The following VPS25 variants were observed in gnomAD, a reference collection of about 807,000 sequenced individuals.
VPS25 encodes vacuolar protein-sorting-associated protein 25.
In VPS25, 21 loss-of-function variants were observed where a neutral mutation model predicts 30.3. The ratio of observed to expected loss-of-function variants is 0.69; its 90% CI spans 0.49 to 1.00. VPS25 has a LOEUF of 1.00. Ranked by LOEUF, VPS25 falls within the 50% of genes least tolerant of loss-of-function variation. The pLI is 0.00. For synonymous variants in VPS25, 101 were observed against 88.1 expected (o/e 1.15, Z -0.82); for missense variants, 156 against 217.2 (o/e 0.72, Z 1.77).
chr17:42,779,205 C>T lies in VPS25; in HGVS notation c.*136C>T, dbSNP rs1434728748. The T allele has an allele frequency of 1.4e-5, 11 of 767,428 alleles. No individual in the cohort carries two copies. Among genetic ancestry groups the T allele is most frequent in the Non-Finnish European group, 1.3e-5 (6 of 469,428 alleles). 47.5% of individuals were successfully genotyped at this position (767,428 alleles called of 1,614,324 possible). A position where few individuals can be genotyped will look rare whatever the true frequency, so the allele number is the denominator to read the frequency against. ...GGACTCCAGTCCTGAAGGCTGGGAC[C>T]TGGGGATGGGTTTCTCACACCCCAT... On this transcript the variant is annotated 3_prime_UTR_variant, in exon 6 of 6. Coordinates refer to ENST00000253794, the MANE Select transcript of VPS25 (RefSeq NM_032353.4).
chr17:42,778,839 G>C, intron 5 of VPS25, 118 bp from the exon 6 acceptor site: 3 of 782,856 alleles, frequency 3.8e-6, no homozygotes, highest in Non-Finnish European at 6.3e-6. Context: ...AGCTGTAGCA[G>C]TATAGATGGC....
chr17:42,776,044 T>A lies in VPS25; in HGVS notation c.343-201T>A, dbSNP rs552910594. 3.3e-5 allele frequency among the ~76,000 whole-genome samples: 5 copies of A among 152,328 alleles called. No homozygotes were observed. In the South Asian group the frequency reaches 1.0e-3, roughly 32 times the overall value. On this transcript the variant is annotated intron_variant, in intron 4 of 5. Transcript: ENST00000253794. Reference sequence around the variant, plus strand: ...CCTCAGACACGTGAAGACCTGTGGTTTAGTGGTTCCAAATGAGTGTGTACA... The same window carrying A: ...CCTCAGACACGTGAAGACCTGTGGTATAGTGGTTCCAAATGAGTGTGTACA...
rs989048296 is a variant in VPS25, at chr17:42,774,842, A to G, written c.253+143A>G. On this transcript the variant is annotated intron_variant, in intron 3 of 5. Coordinates refer to ENST00000253794, the MANE Select transcript of VPS25 (RefSeq NM_032353.4). Reference sequence around the variant, plus strand: ...AGTCTTCTGTAAAGTAGGCAGCCCAATTCCCAAGTCCTTTCTTCTTTGTAC... The same window carrying G: ...AGTCTTCTGTAAAGTAGGCAGCCCAGTTCCCAAGTCCTTTCTTCTTTGTAC... 6 of 612,812 alleles carry G rather than the reference A, an allele frequency of 9.8e-6. No individual in the cohort carries two copies. The Admixed American group carries it at 1.5e-4, about 15-fold the overall frequency. 38.0% of individuals were successfully genotyped at this position (612,812 alleles called of 1,614,324 possible). A position where few individuals can be genotyped will look rare whatever the true frequency, so the allele number is the denominator to read the frequency against.
intron 4 of VPS25, 87 bp downstream of exon 4, chr17:42,775,556 A>C: frequency 8.9e-7 from 1 of 1,127,636 alleles, no homozygotes; most frequent in East Asian, 2.6e-5. Flanking sequence ...CGGTGTTCCC[A>C]GATCCAGACT....
At chr17:42,774,563 G>A in intron 2 of VPS25, 83 bp from the exon 3 acceptor site, 1 of 1,111,928 alleles carries the variant, frequency 9.0e-7, no homozygotes, top group South Asian at 1.3e-5. Context: ...GGAAGGGGCA[G>A]GTGTTTCTCA....
chr17:42,776,146 A>G (rs933464779), intron 4 of VPS25, 99 bp from the exon 5 acceptor site: 78 of 1,043,352 alleles, frequency 7.5e-5, no homozygotes, highest in Non-Finnish European at 1.1e-4. Context: ...TGGTTTGGGA[A>G]TAGGTATCAT....
In VPS25 at chr17:42,774,679, T is replaced by G. The variant is rs201740659; in HGVS notation, c.233T>G (p.Leu78Ter). The G allele has an allele frequency of 6.2e-7, 1 of 1,613,248 alleles. No individual in the cohort carries two copies. The change falls in exon 3 of 6, where the codon TTA becomes TGA. Residue 78 changes from leucine (L) to a stop codon, truncating the protein, a stop_gained. Coordinates refer to ENST00000253794, the MANE Select transcript of VPS25 (RefSeq NM_032353.4). LOFTEE classifies it high-confidence loss of function. ...KLPVESIQIV[L>*]EELRKKGNLE... Reference sequence around the variant, plus strand: ...CCTGTGGAGTCGATCCAGATTGTATTAGAGGAACTGAGGAAGAAAGGTGGG... The same window carrying G: ...CCTGTGGAGTCGATCCAGATTGTATGAGAGGAACTGAGGAAGAAAGGTGGG...
chr17:42,778,775 T>A (rs766125445), intron 5 of VPS25, among the ~76,000 whole-genome samples, 182 bp from the exon 6 acceptor site: 3 of 152,214 alleles, frequency 2.0e-5, no homozygotes, highest in Non-Finnish European at 2.9e-5. Flanking sequence ...TCATGCTGAT[T>A]CAGGCTTTCT....
chr17:42,775,180 A>C (rs1263391485), intron 3 of VPS25: 12 of 528,688 alleles, frequency 2.3e-5, no homozygotes, highest in African/African-American at 5.8e-5. Context: ...AGTAGTTGAG[A>C]CCTCAGGCAT....
intron 2 of VPS25, 172 bp downstream of exon 2, chr17:42,774,050 G>A: frequency 1.4e-6 from 1 of 733,496 alleles, no homozygotes; most frequent in South Asian, 2.0e-5. Flanking sequence ...GGCAAATGCA[G>A]TACCATACCC....
chr17:42,773,607 A>T, intron 1 of VPS25, 79 bp downstream of exon 1: 1 of 1,608,422 alleles, frequency 6.2e-7, no homozygotes, highest in Non-Finnish European at 8.5e-7. Context: ...GATGCTTCAT[A>T]TGGGGAGGGG....
At chr17:42,774,874 T>G (rs762106607) in intron 3 of VPS25, 175 bp downstream of exon 3, 7 of 534,738 alleles carry the variant, frequency 1.3e-5, no homozygotes, top group Non-Finnish European at 2.3e-5. Context: ...GTACACAAAA[T>G]TGAAATCTCT....
In VPS25 at chr17:42,779,250, G is replaced by A; in HGVS notation, c.*181G>A. On this transcript the variant is annotated 3_prime_UTR_variant, in exon 6 of 6. Coordinates refer to ENST00000253794, the MANE Select transcript of VPS25 (RefSeq NM_032353.4). ...CCCCATATGTCTGTCCCTTGGATAG[G>A]GTGAGGCTGAAGCACCAGGGAGAAA... The A allele has an allele frequency of 3.5e-6, 2 of 574,554 alleles. No individual in the cohort carries two copies. The highest frequency in any genetic ancestry group is 3.0e-5 in the Admixed American group (1 of 33,516). 35.6% of individuals were successfully genotyped at this position (574,554 alleles called of 1,614,324 possible). A position where few individuals can be genotyped will look rare whatever the true frequency, so the allele number is the denominator to read the frequency against.
At chr17:42,774,372 CTTTTTTTTTT>C (rs1161401913) in intron 2 of VPS25, 2 of 227,346 alleles carry the variant, frequency 8.8e-6, no homozygotes, top group Non-Finnish European at 1.6e-5. Context: ...TTCTTTCTTT[CTTTTTTTTTT>C]TTTTTTTTGG....
intron 5 of VPS25, among the ~76,000 whole-genome samples, chr17:42,777,478 C>A (rs2054442668): frequency 6.6e-6 from 1 of 152,224 alleles, no homozygotes; most frequent in South Asian, 2.1e-4. Context: ...CGCACCACTG[C>A]ACTCTAGTCT....
chr17:42,778,155 C>T (rs1413336947), intron 5 of VPS25, among the ~76,000 whole-genome samples: 1 of 152,090 alleles, frequency 6.6e-6, no homozygotes, highest in East Asian at 1.9e-4. Context: ...ACCATATCTC[C>T]ACATACTCAG....
In VPS25 at chr17:42,774,703, G is replaced by T; in HGVS notation, c.253+4G>T. 1 of 1,611,350 alleles carries T rather than the reference G, an allele frequency of 6.2e-7. No individual in the cohort carries two copies. Among genetic ancestry groups the T allele is most frequent in the Non-Finnish European group, 8.5e-7 (1 of 1,177,972 alleles). ...TTAGAGGAACTGAGGAAGAAAGGTG[G>T]GTTCAGTTCCCCAGATTCCTTATTT... On this transcript the variant is annotated splice_donor_region_variant and intron_variant, in intron 3 of 5. Coordinates refer to ENST00000253794, the MANE Select transcript of VPS25 (RefSeq NM_032353.4).
chr17:42,774,605 A>C lies in VPS25; in HGVS notation c.200-41A>C, dbSNP rs771614340. The C allele has an allele frequency of 1.8e-5, 28 of 1,591,962 alleles. No homozygotes were observed. The Admixed American group carries it at 4.7e-4, about 27-fold the overall frequency. On this transcript the variant is annotated intron_variant, in intron 2 of 5. Coordinates refer to ENST00000253794, the MANE Select transcript of VPS25 (RefSeq NM_032353.4). ...GACTGGCTCTGAAAATTTTTATCCTACCCAACTCATGTGTATGCCGTTCCC... is the reference window on the plus strand; with the variant it reads ...GACTGGCTCTGAAAATTTTTATCCTCCCCAACTCATGTGTATGCCGTTCCC...
chr17:42,775,391 G>C lies in VPS25; in HGVS notation c.264G>C (p.Glu88Asp), dbSNP rs374470237. ...GTATCTGTTTTACAGGGAACCTCGA[G>C]TGGTTGGATAAGAGCAAGTCCAGCT... ...LEELRKKGNL[E>D]WLDKSKSSFL... The change falls in exon 4 of 6, where the codon GAG (glutamate) becomes GAC (aspartate). Residue 88 changes from glutamate (E) to aspartate (D), a missense_variant. Transcript: ENST00000253794. The C allele has an allele frequency of 2.8e-5, 45 of 1,613,910 alleles. No homozygotes were observed. Among genetic ancestry groups the C allele is most frequent in the Non-Finnish European group, 1.1e-5 (13 of 1,179,908 alleles).
Sources: gnomAD v4.1 joint callset for allele counts (sites outside exome capture counted in the v4.1 genomes callset) on GRCh38, gnomAD v4.1.1 for gene constraint, MANE v1.5 for transcripts, NCBI Gene and HGNC (gene_info 2026-07-23, HGNC 2026-07-21) for gene names.